HUWE1: variants seen among roughly 807,000 people sequenced by gnomAD.
The protein encoded by HUWE1 is E3 ubiquitin-protein ligase HUWE1.
In HUWE1, 18 loss-of-function variants were observed where a neutral mutation model predicts 299.4. That is an observed-to-expected ratio of 0.06 (90% confidence interval 0.04 to 0.09). HUWE1 has a LOEUF of 0.09. Ranked by LOEUF, HUWE1 falls within the 10% of genes least tolerant of loss-of-function variation. The pLI, the probability that HUWE1 is intolerant of heterozygous loss-of-function variation, is 1.00. For missense variants in HUWE1, 1,832 were observed against 3,462.3 expected, an observed-to-expected ratio of 0.53 and a Z score of 11.82; for synonymous variants, 1,317 against 1,286.1, an observed-to-expected ratio of 1.02 and a Z score of -0.51.
At chrX:53,543,001 A>G (rs978903210) in intron 73 of HUWE1, 3 of 119,695 alleles carry the variant, frequency 2.5e-5, no homozygotes, top group Admixed American at 1.7e-4. Flanking sequence ...GGGATTATTT[A>G]AAAAGCCGAC....
rs953231508 is a variant in HUWE1, at chrX:53,579,479, G to A, written c.5716+1352C>T. Among the ~76,000 whole-genome samples the A allele has an allele frequency of 2.0e-3, 222 of 112,207 alleles. 2 individuals are homozygous for A. Among genetic ancestry groups the A allele is most frequent in the African/African-American group, 7.0e-3 (216 of 30,997 alleles). On this transcript the variant is annotated intron_variant, in intron 43 of 83. Transcript: ENST00000262854. Reference sequence around the variant, plus strand: ...TGGCTCATTGGGGATGGGCCATGATGACAATGGCGGTTTTGTGGAATAGAA... The same window carrying A: ...TGGCTCATTGGGGATGGGCCATGATAACAATGGCGGTTTTGTGGAATAGAA...
chrX:53,584,771 C>T (rs1193091981), intron 40 of HUWE1, among the ~76,000 whole-genome samples: 5 of 112,094 alleles, frequency 4.5e-5, no homozygotes, highest in African/African-American at 9.7e-5. Flanking sequence ...AACCAAAACA[C>T]ATACCCCTCT....
At position 53,581,095 on chromosome X, in the gene HUWE1, T is replaced by G. The variant is rs187630938; in HGVS notation, c.5521-69A>C. On this transcript the variant is annotated intron_variant, in intron 42 of 83. Coordinates refer to ENST00000262854, the MANE Select transcript of HUWE1 (RefSeq NM_031407.7). ...CTAAAAATACAACTGCAGTCAAGAG[T>G]TACCAAGACTAAAAGCTTTTGATTT... is the stretch of plus-strand genomic sequence containing the variant. 36 of 883,606 alleles carry G rather than the reference T, an allele frequency of 4.1e-5. No homozygotes were observed. The East Asian group carries it at 1.1e-3, about 27-fold the overall frequency. The allele number at this position is 883,606 out of a possible 1,213,427, so 72.8% of individuals were successfully genotyped here. A position where few individuals can be genotyped will look rare whatever the true frequency, so the allele number is the denominator to read the frequency against.
chrX:53,559,407 T>C lies in HUWE1; in HGVS notation c.7862A>G (p.Asp2621Gly). Residue 2621 changes from aspartate (D) to glycine (G), a missense_variant, in exon 57 of 84, where the codon GAT becomes GGT. Coordinates refer to ENST00000262854, the MANE Select transcript of HUWE1 (RefSeq NM_031407.7). ...ATGGAAAAAGTCATCCAGCAGCTCA[T>C]CATCAGAACGGGCGATGATGTGGAC... ...DDVHIIARSD[D>G]ELLDDFFHDQ... is the part of the protein sequence containing the mutation. The C allele has an allele frequency of 4.1e-6, 5 of 1,211,451 alleles. No homozygotes were observed. Among genetic ancestry groups the C allele is most frequent in the Non-Finnish European group, 5.6e-6 (5 of 895,353 alleles).
chrX:53,662,766 G>A (rs782080120), intron 3 of HUWE1, among the ~76,000 whole-genome samples: 25 of 111,805 alleles, frequency 2.2e-4, no homozygotes, highest in Non-Finnish European at 4.1e-4. Flanking sequence ...AGGAAAGGAG[G>A]AGGCCCGCAA....
At chrX:53,545,663 G>A (rs1225970423) in intron 70 of HUWE1, among the ~76,000 whole-genome samples, 2 of 112,008 alleles carry the variant, frequency 1.8e-5, no homozygotes, top group African/African-American at 6.5e-5. Flanking sequence ...GCAGCCAAGA[G>A]AGAAAGGTCA....
At position 53,554,829 on chromosome X, in the gene HUWE1, T is replaced by A; in HGVS notation, c.8298A>T (p.Gln2766His). 6.6e-6 allele frequency: 8 copies of A among 1,210,468 alleles called. No homozygotes were observed. The highest frequency in any genetic ancestry group is 8.9e-6 in the Non-Finnish European group (8 of 894,686). Residue 2766 changes from glutamine to histidine, a missense_variant, in exon 61 of 84, where the codon CAA becomes CAT. Gln to His is a conservative substitution (Grantham distance 24, BLOSUM62 0). Coordinates refer to ENST00000262854, the MANE Select transcript of HUWE1 (RefSeq NM_031407.7). ...SESKETLGTL[Q>H]SSQQQPTLPT... ...GGAGTGTTGGTTGCTGTTGTGAGGA[T>A]TGCAGAGTGCCAAGGGTCTCCTTGG...
chrX:53,600,068 G>A, intron 29 of HUWE1, 50 bp downstream of exon 29: 2 of 1,083,983 alleles, frequency 1.8e-6, no homozygotes, highest in Non-Finnish European at 2.6e-6. Flanking sequence ...TCTGTTTCAA[G>A]ACTAAGGGAC....
At chrX:53,654,289 CAGGTAGAGAG>C (rs375903923) in intron 3 of HUWE1, among the ~76,000 whole-genome samples, 158 bp from the exon 4 acceptor site, 1 of 112,039 alleles carries the variant, frequency 8.9e-6, no homozygotes, top group African/African-American at 3.2e-5. Context: ...GCACAGCTAT[CAGGTAGAGAG>C]AGGTAAAGAA....
chrX:53,540,227 T>C (rs1269779748), intron 74 of HUWE1, among the ~76,000 whole-genome samples: 1 of 112,321 alleles, frequency 8.9e-6, no homozygotes, highest in Non-Finnish European at 1.9e-5. Context: ...CATTGAATTC[T>C]GACAGCTGGC....
rs782357813 is a variant in HUWE1, at chrX:53,595,307, G to A, written c.3260C>T (p.Ala1087Val). The change falls in exon 30 of 84, where the codon GCT becomes GTT. Residue 1087 changes from alanine (A) to valine (V), a missense_variant. Ala to Val is a moderately conservative substitution (Grantham distance 64). This residue lies in a region of HUWE1 where 658 missense variants were observed against 1,282.6 expected (regional missense o/e 0.51). Transcript: ENST00000262854. ...SPVRQRRSHHAASTTTAPTPA... is the reference protein window; with the variant it reads ...SPVRQRRSHHVASTTTAPTPA... ...TGTCGGTGCTGTAGTGGTGCTGGCA[G>A]CATGATGGCTCCTTCTCTGGCGGAC... 5.8e-5 allele frequency: 70 copies of A among 1,210,839 alleles called. No homozygotes were observed. The highest frequency in any genetic ancestry group is 7.8e-5 in the Non-Finnish European group (70 of 894,988).
intron 31 of HUWE1, among the ~76,000 whole-genome samples, chrX:53,594,270 A>G (rs903680413): frequency 8.9e-6 from 1 of 112,176 alleles, no homozygotes; most frequent in Non-Finnish European, 1.9e-5. Context: ...CACATGAGAA[A>G]AAGCAGAGAC....
At chrX:53,570,589 A>C (rs2062780089) in intron 47 of HUWE1, among the ~76,000 whole-genome samples, 1 of 112,646 alleles carries the variant, frequency 8.9e-6, no homozygotes, top group Admixed American at 9.4e-5. Context: ...TAATATGCAA[A>C]AATATTTAAT....
intron 29 of HUWE1, among the ~76,000 whole-genome samples, chrX:53,595,763 T>C (rs1350264625): frequency 2.7e-5 from 3 of 111,603 alleles, no homozygotes; most frequent in South Asian, 3.7e-4. Flanking sequence ...CAAAAATGAT[T>C]AGCCACTTAG....
rs191335457 is a variant in HUWE1 at position 53,593,355 on chromosome X, A to T, written c.3741+9T>A. ...AATTCCTTTTGATTTTAGAATACTG[A>T]ATACTCACTTTCTGAGTTACCACAA... is the stretch of plus-strand genomic sequence containing the variant. On this transcript the variant is annotated intron_variant, in intron 32 of 83. Transcript: ENST00000262854. 6.9e-5 allele frequency: 76 copies of T among 1,097,218 alleles called. No individual in the cohort carries two copies. The Admixed American group carries it at 1.6e-3, about 23-fold the overall frequency. The allele number at this position is 1,097,218 out of a possible 1,213,427, so 90.4% of individuals were successfully genotyped here.
At chrX:53,552,577 G>GA (rs2061811525) in intron 62 of HUWE1, 61 bp downstream of exon 62, 2 of 1,206,205 alleles carry the variant, frequency 1.7e-6, no homozygotes, top group Non-Finnish European at 2.2e-6. Flanking sequence ...TGACGAGTAT[G>GA]AAATGTGCTT....
At chrX:53,660,021 A>G (rs184708291) in intron 3 of HUWE1, among the ~76,000 whole-genome samples, 2 of 112,328 alleles carry the variant, frequency 1.8e-5, no homozygotes, top group Admixed American at 1.9e-4. Flanking sequence ...GACCTAGTGT[A>G]CTATACTAGT....
At chrX:53,660,366 A>G (rs2068938121) in intron 3 of HUWE1, among the ~76,000 whole-genome samples, 1 of 112,483 alleles carries the variant, frequency 8.9e-6, no homozygotes. Flanking sequence ...AACAGAGCCA[A>G]TATGAATGCA....
At chrX:53,564,439 A>G (rs1348571497) in intron 51 of HUWE1, 135 bp downstream of exon 51, 16 of 700,683 alleles carry the variant, frequency 2.3e-5, no homozygotes, top group Non-Finnish European at 3.0e-5. Flanking sequence ...GCATCTACTA[A>G]GCATATCACC....
Sources: allele counts gnomAD v4.1 joint callset (sites outside exome capture counted in the v4.1 genomes callset), GRCh38; gene constraint gnomAD v4.1.1; regional missense constraint gnomAD v4.1.1; transcripts MANE v1.5; gene names NCBI Gene and HGNC (gene_info 2026-07-23, HGNC 2026-07-21).